Variants in SLC8A1 observed in about 807,000 individuals in gnomAD.
SLC8A1 encodes the protein sodium/calcium exchanger 1.
Under a neutral mutation model 68.3 loss-of-function variants are expected in SLC8A1, and 18 were observed. The ratio of observed to expected loss-of-function variants is 0.26; its 90% CI spans 0.18 to 0.39. The LOEUF is 0.39. SLC8A1 is among the 10% of genes least tolerant of loss of function. The pLI is 1.00. For synonymous variants in SLC8A1, 475 were observed against 415.5 expected (o/e 1.14, Z -1.74); for missense variants, 985 against 1,156.7 (o/e 0.85, Z 2.15).
intron 1 of SLC8A1, among the ~76,000 whole-genome samples, chr2:40,436,638 T>A (rs1699477698): frequency 1.3e-5 from 2 of 152,082 alleles, no homozygotes; most frequent in South Asian, 4.1e-4. Context: ...CATCTTCCCA[T>A]CCTTCCAATA....
rs559887407 is a variant in SLC8A1, at chr2:40,183,172, A to G, written c.1809-5317T>C. 1.1e-4 allele frequency among the ~76,000 whole-genome samples: 16 copies of G among 152,306 alleles called. No homozygotes were observed. The South Asian group carries it at 3.3e-3, about 32-fold the overall frequency. On this transcript the variant is annotated intron_variant, in intron 2 of 7. Coordinates refer to ENST00000406785, the Ensembl canonical transcript of SLC8A1. ...ACTCTCAGAGAAGTTGGTAACTTCC[A>G]AGGTCACAAAGTGAGTCTCCTGTGA...
At chr2:40,445,996 G>A (rs1701373667) in intron 1 of SLC8A1, among the ~76,000 whole-genome samples, 1 of 152,186 alleles carries the variant, frequency 6.6e-6, no homozygotes, top group South Asian at 2.1e-4. Context: ...GCTATTCATG[G>A]AGCACAGCAG....
intron 7 of SLC8A1, among the ~76,000 whole-genome samples, chr2:40,138,062 G>A (rs2040858544): frequency 6.6e-6 from 1 of 151,942 alleles, no homozygotes. Flanking sequence ...TATGTCCCAG[G>A]TGCTTTACTA....
At chr2:40,419,518 C>T (rs1559605156) in intron 2 of SLC8A1, among the ~76,000 whole-genome samples, 1 of 152,032 alleles carries the variant, frequency 6.6e-6, no homozygotes, top group South Asian at 2.1e-4. Flanking sequence ...TTCTTACTCA[C>T]CCTGCCTCCA....
At chr2:40,454,244 G>A (rs1191193514), upstream of SLC8A1, among the ~76,000 whole-genome samples, 2 of 152,078 alleles carry the variant, frequency 1.3e-5, no homozygotes, top group Non-Finnish European at 2.9e-5. Flanking sequence ...CCACTCAATA[G>A]GAAATAGAAC....
intron 2 of SLC8A1, among the ~76,000 whole-genome samples, chr2:40,302,072 T>C (rs2071580452): frequency 6.7e-6 from 1 of 149,326 alleles, no homozygotes; most frequent in Admixed American, 6.7e-5. Context: ...TGTGTGTGTG[T>C]GTTTAGTAGA....
intron 1 of SLC8A1, among the ~76,000 whole-genome samples, chr2:40,462,001 C>CTTTTTTTTTTTGTTTTTTTTTTT (rs1703369155): frequency 1.5e-5 from 1 of 66,176 alleles, no homozygotes; most frequent in Non-Finnish European, 2.9e-5. Flanking sequence ...TAAAATCCTC[C>CTTTTTTTTTTTGTTTTTTTTTTT]TTTTTTTTTT....
At chr2:40,427,678 A>G (rs1697241901) in intron 2 of SLC8A1, among the ~76,000 whole-genome samples, 1 of 152,166 alleles carries the variant, frequency 6.6e-6, no homozygotes, top group Admixed American at 6.6e-5. Flanking sequence ...ACATGAGCAC[A>G]GTGCCACTGT....
chr2:40,226,878 C>A (rs1006954558), intron 2 of SLC8A1, among the ~76,000 whole-genome samples: 2 of 152,124 alleles, frequency 1.3e-5, no homozygotes, highest in African/African-American at 4.8e-5. Context: ...AATGTAATGG[C>A]CTGGAGCTAT....
exon 2 of SLC8A1, chr2:40,429,068 G>A (rs879085699): frequency 1.1e-5 from 17 of 1,611,826 alleles, no homozygotes; most frequent in Non-Finnish European, 1.4e-5. Context: ...TTACTAACAG[G>A]GTCATTTTCA....
chr2:40,459,741 G>C (rs1475954912), intron 1 of SLC8A1, among the ~76,000 whole-genome samples: 1 of 152,150 alleles, frequency 6.6e-6, no homozygotes, highest in Non-Finnish European at 1.5e-5. Flanking sequence ...GGGCAGTGTT[G>C]GGGGAGGCCA....
At chr2:40,324,257 C>T (rs2075559026) in intron 2 of SLC8A1, among the ~76,000 whole-genome samples, 1 of 151,990 alleles carries the variant, frequency 6.6e-6, no homozygotes, top group East Asian at 1.9e-4. Flanking sequence ...AATTGATACT[C>T]TAAGTGAGAA....
At chr2:40,348,675 C>T (rs1670098018) in intron 2 of SLC8A1, among the ~76,000 whole-genome samples, 1 of 152,020 alleles carries the variant, frequency 6.6e-6, no homozygotes, top group African/African-American at 2.4e-5. Flanking sequence ...ACTCCGGGGT[C>T]TCAGGGCAGC....
At chr2:40,475,719 G>T (rs1222256826) in intron 1 of SLC8A1, among the ~76,000 whole-genome samples, 1 of 151,632 alleles carries the variant, frequency 6.6e-6, no homozygotes, top group East Asian at 1.9e-4. Flanking sequence ...AACTACATTT[G>T]CCAAAATAAA....
chr2:40,419,420 A>T (rs562130946), intron 2 of SLC8A1, among the ~76,000 whole-genome samples: 3 of 152,234 alleles, frequency 2.0e-5, no homozygotes, highest in East Asian at 1.9e-4. Context: ...TAGTCACAGC[A>T]GAAATCTAAT....
intron 2 of SLC8A1, among the ~76,000 whole-genome samples, chr2:40,308,086 T>A (rs975708695): frequency 6.6e-6 from 1 of 152,182 alleles, no homozygotes; most frequent in African/African-American, 2.4e-5. Flanking sequence ...TTCTCAAGCC[T>A]AAGAAACCCC....
chr2:40,260,730 ATGTG>A (rs991890043), intron 2 of SLC8A1, among the ~76,000 whole-genome samples: 25 of 151,820 alleles, frequency 1.6e-4, no homozygotes, highest in African/African-American at 5.8e-4. Context: ...AGATAAGAAA[ATGTG>A]TATGTGGTTT....
intron 1 of SLC8A1, among the ~76,000 whole-genome samples, chr2:40,508,448 C>T (rs539578976): frequency 1.5e-4 from 23 of 151,726 alleles, no homozygotes; most frequent in East Asian, 3.9e-4. Context: ...AACTAACATG[C>T]TCTTTCAATA....
intron 7 of SLC8A1, among the ~76,000 whole-genome samples, chr2:40,128,798 A>G (rs1475288828): frequency 6.6e-6 from 1 of 152,248 alleles, no homozygotes; most frequent in Non-Finnish European, 1.5e-5. Flanking sequence ...ACAAATATAT[A>G]GAGAGAGATT....
Sources: gnomAD v4.1 joint callset for allele counts (sites outside exome capture counted in the v4.1 genomes callset) on GRCh38, gnomAD v4.1.1 for gene constraint, MANE v1.5 for transcripts, NCBI Gene and HGNC (gene_info 2026-07-23, HGNC 2026-07-21) for gene names.